The following NRXN1 variants were observed in gnomAD, a reference collection of about 807,000 sequenced individuals.
NRXN1 encodes neurexin-1.
NRXN1 carries 39 observed loss-of-function variants against 150.9 expected under a neutral mutation model. That is an observed-to-expected ratio of 0.26 (90% CI 0.20 to 0.34). The LOEUF is 0.34. NRXN1 is among the 10% of genes least tolerant of loss of function. The pLI is 1.00. For missense variants in NRXN1, 1,815 were observed against 1,949.9 expected (o/e 0.93, Z 1.30); for synonymous variants, 924 against 757.0 (o/e 1.22, Z -3.62).
At chr2:51,014,082 T>A (rs1173954239) in intron 2 of NRXN1, among the ~76,000 whole-genome samples, 1 of 151,754 alleles carries the variant, frequency 6.6e-6, no homozygotes, top group Non-Finnish European at 1.5e-5. Context: ...CAAGGCATGA[T>A]GGGAAATTAG....
At chr2:50,145,575 G>A (rs1468211703) in intron 18 of NRXN1, among the ~76,000 whole-genome samples, 1 of 151,576 alleles carries the variant, frequency 6.6e-6, no homozygotes, top group African/African-American at 2.4e-5. Context: ...TATAATCTTT[G>A]AATCTGCTTT....
intron 17 of NRXN1, among the ~76,000 whole-genome samples, chr2:50,448,124 A>T (rs1424106432): frequency 6.6e-6 from 1 of 151,984 alleles, no homozygotes; most frequent in Admixed American, 6.6e-5. Flanking sequence ...AAAAATCTAA[A>T]AATATAGAAT....
chr2:50,754,447 C>T (rs1700956388), intron 5 of NRXN1, among the ~76,000 whole-genome samples: 3 of 151,794 alleles, frequency 2.0e-5, no homozygotes, highest in South Asian at 2.1e-4. Context: ...TAAAATGCCA[C>T]AATTTTCATT....
chr2:50,311,095 ATAAGC>A (rs1413151016), intron 17 of NRXN1, among the ~76,000 whole-genome samples: 5 of 152,148 alleles, frequency 3.3e-5, no homozygotes, highest in African/African-American at 1.2e-4. Context: ...TGTGGGAGAA[ATAAGC>A]TAAGAAGAGT....
chr2:50,537,401 G>A (rs748167079), intron 10 of NRXN1, among the ~76,000 whole-genome samples: 6 of 152,118 alleles, frequency 3.9e-5, no homozygotes, highest in African/African-American at 7.2e-5. Context: ...ACACTGGGTC[G>A]ATGGAAGAAT....
At chr2:50,635,865 A>G (rs1232294761) in intron 5 of NRXN1, among the ~76,000 whole-genome samples, 4 of 152,152 alleles carry the variant, frequency 2.6e-5, no homozygotes, top group African/African-American at 9.7e-5. Context: ...GGGAGGTTCC[A>G]TTTACAATGA....
intron 22 of NRXN1, among the ~76,000 whole-genome samples, chr2:49,928,791 T>A (rs904199550): frequency 6.6e-6 from 1 of 152,164 alleles, no homozygotes; most frequent in African/African-American, 2.4e-5. Flanking sequence ...TAATTTCGAC[T>A]CATGCGGTGG....
chr2:50,444,514 TTCAAGAAGCAGCGCTGCCTCTAC>T (rs1228033944), intron 17 of NRXN1, among the ~76,000 whole-genome samples: 2 of 152,124 alleles, frequency 1.3e-5, no homozygotes, highest in Non-Finnish European at 2.9e-5. Context: ...TCAAGCCAAC[TTCAAGAAGCAGCGCTGCCTCTAC>T]TCGAATTACG....
chr2:50,498,713 A>C (rs1459693490), intron 13 of NRXN1, among the ~76,000 whole-genome samples: 2 of 152,226 alleles, frequency 1.3e-5, no homozygotes, highest in African/African-American at 4.8e-5. Flanking sequence ...CTTGTTTTCT[A>C]AATATTAAAA....
chr2:50,280,096 G>C (rs189530957), intron 17 of NRXN1, among the ~76,000 whole-genome samples: 209 of 152,094 alleles, frequency 1.4e-3, no homozygotes, highest in Non-Finnish European at 2.4e-3. Context: ...GGCTAACACG[G>C]TGAGCCCTCG....
chr2:50,378,493 C>G (rs560960935), intron 17 of NRXN1, among the ~76,000 whole-genome samples: 1 of 152,056 alleles, frequency 6.6e-6, no homozygotes, highest in East Asian at 1.9e-4. Context: ...CGGTTGCTTA[C>G]CCTCGTGATT....
intron 5 of NRXN1, among the ~76,000 whole-genome samples, chr2:50,769,917 A>G (rs1702803802): frequency 6.6e-6 from 1 of 152,092 alleles, no homozygotes. Flanking sequence ...TGCTGAACAA[A>G]TAATGTTTGG....
At chr2:50,913,516 G>A (rs1379503094) in intron 5 of NRXN1, among the ~76,000 whole-genome samples, 3 of 151,676 alleles carry the variant, frequency 2.0e-5, no homozygotes, top group Admixed American at 6.6e-5. Context: ...AGCATAAGTT[G>A]TTTTAATTTT....
In NRXN1 at chr2:50,190,059, C is replaced by T. The variant is rs115225240; in HGVS notation, c.3546+46730G>A. ...TACTATGTCATTGATAAACAATGGACATTTTAACTTCAGGATACTAATTTT... is the reference window on the plus strand; with the variant it reads ...TACTATGTCATTGATAAACAATGGATATTTTAACTTCAGGATACTAATTTT... On this transcript the variant is annotated intron_variant, in intron 18 of 22. Coordinates refer to ENST00000401669, the MANE Select transcript of NRXN1 (RefSeq NM_001330078.2). 1.4e-3 allele frequency among the ~76,000 whole-genome samples: 207 copies of T among 152,166 alleles called. 1 individual carries two copies. Among genetic ancestry groups the T allele is most frequent in the African/African-American group, 4.8e-3 (198 of 41,526 alleles).
intron 22 of NRXN1, among the ~76,000 whole-genome samples, chr2:49,927,017 C>T (rs1669224444): frequency 6.6e-6 from 1 of 152,188 alleles, no homozygotes; most frequent in African/African-American, 2.4e-5. Flanking sequence ...CCTGAATTAT[C>T]CTTGTAGGGG....
At chr2:50,085,402 C>T (rs1698635666) in intron 19 of NRXN1, among the ~76,000 whole-genome samples, 1 of 152,046 alleles carries the variant, frequency 6.6e-6, no homozygotes, top group South Asian at 2.1e-4. Context: ...CTTATATTTT[C>T]ACTATTTTAC....
At chr2:50,102,586 G>A (rs541890502) in intron 18 of NRXN1, among the ~76,000 whole-genome samples, 5 of 152,064 alleles carry the variant, frequency 3.3e-5, no homozygotes, top group South Asian at 2.1e-4. Flanking sequence ...CACATTATTC[G>A]TTACACATTA....
intron 5 of NRXN1, among the ~76,000 whole-genome samples, chr2:50,875,579 C>A (rs1678454671): frequency 6.6e-6 from 1 of 151,756 alleles, no homozygotes; most frequent in Non-Finnish European, 1.5e-5. Flanking sequence ...AAGATTTCTA[C>A]CTCATGCCTA....
At chr2:50,707,232 T>A (rs562345479) in intron 5 of NRXN1, among the ~76,000 whole-genome samples, 3 of 152,292 alleles carry the variant, frequency 2.0e-5, no homozygotes, top group Non-Finnish European at 1.5e-5. Context: ...GTGATGACCA[T>A]CCTGTGGATT....
Sources: allele counts gnomAD v4.1 joint callset (sites outside exome capture counted in the v4.1 genomes callset), GRCh38; gene constraint gnomAD v4.1.1; transcripts MANE v1.5; gene names NCBI Gene and HGNC (gene_info 2026-07-23, HGNC 2026-07-21).